The following ITPR3 variants were observed in gnomAD, a reference collection of about 807,000 sequenced individuals.
The protein encoded by ITPR3 is inositol 1,4,5-trisphosphate receptor type 3.
In ITPR3, 173 loss-of-function variants were observed where a neutral mutation model predicts 293.2. The observed-to-expected ratio is 0.59, with a 90% CI of 0.52 to 0.67. The LOEUF (loss-of-function observed/expected upper bound fraction) is 0.67. ITPR3 is among the 30% of genes least tolerant of loss of function. The pLI, the probability that ITPR3 is intolerant of heterozygous loss-of-function variation, is 0.00. For missense variants in ITPR3, 2,796 were observed against 3,592.1 expected (o/e 0.78, Z 5.66); for synonymous variants, 1,295 against 1,444.4 (o/e 0.90, Z 2.35).
In ITPR3 at chr6:33,684,657, G is replaced by A. The variant is rs752802620; in HGVS notation, c.5106G>A (p.Ser1702=). Residue 1702 remains serine (S), a synonymous_variant, in exon 38 of 58, where the codon TCG becomes TCA. Coordinates refer to ENST00000605930, the MANE Select transcript of ITPR3 (RefSeq NM_002224.4). The surrounding 1 kb of genome is among the most constrained non-coding windows in gnomAD (Gnocchi z 4.2). Reference sequence around the variant, plus strand: ...ACCTCCAGAACCGGAAGTCCACCTCGCGGGGGGACCTTCCCGACCCCATAG... The same window carrying A: ...ACCTCCAGAACCGGAAGTCCACCTCACGGGGGGACCTTCCCGACCCCATAG... ...QNYLQNRKST[S]RGDLPDPIGT... is the part of the protein sequence containing the mutation. 40 of 1,613,950 alleles carry A rather than the reference G, an allele frequency of 2.5e-5. No homozygotes were observed. Among genetic ancestry groups the A allele is most frequent in the African/African-American group, 1.2e-4 (9 of 74,936 alleles).
Position 33,633,857 on chromosome 6 carries a change from C to T in ITPR3, c.90-6627C>T, listed in dbSNP as rs1293309690. ...GGGCGCGGGGCGGGGCCGGGCCGGG[C>T]CGGGGCGGGGCCAGGGAGGCCAGAC... On this transcript the variant is annotated intron_variant, in intron 1 of 57. Transcript: ENST00000605930. This position sits in a 1 kb window ranked among gnomAD's most constrained non-coding sequence, Gnocchi z 5.2. Among the ~76,000 whole-genome samples the T allele has an allele frequency of 2.2e-4, 33 of 146,818 alleles. No individual in the cohort carries two copies. The highest frequency in any genetic ancestry group is 7.9e-4 in the African/African-American group (32 of 40,700).
In ITPR3 at chr6:33,682,748, C is replaced by G; in HGVS notation, c.4597+104C>G. On this transcript the variant is annotated intron_variant, in intron 34 of 57. Transcript: ENST00000605930. The surrounding 1 kb of genome is among the most constrained non-coding windows in gnomAD (Gnocchi z 5.4). ...ACACTTTATCCCTAAGCTCGCCCAT[C>G]TCCTGCTCCCAGGTGGTTGTCAGTA... 2 of 1,401,750 alleles carry G rather than the reference C, an allele frequency of 1.4e-6. No homozygotes were observed. Among genetic ancestry groups the G allele is most frequent in the Non-Finnish European group, 1.9e-6 (2 of 1,063,290 alleles). The allele number at this position is 1,401,750 out of a possible 1,614,324, so 86.8% of individuals were successfully genotyped here.
chr6:33,640,954 G>C (rs1763937123), intron 2 of ITPR3, among the ~76,000 whole-genome samples: 1 of 152,220 alleles, frequency 6.6e-6, no homozygotes, highest in Non-Finnish European at 1.5e-5. Flanking sequence ...TTCCTCATCT[G>C]CATGGTAAGA....
At chr6:33,625,190 C>A (rs1763523415) in intron 1 of ITPR3, among the ~76,000 whole-genome samples, 1 of 151,518 alleles carries the variant, frequency 6.6e-6, no homozygotes, top group South Asian at 2.1e-4. Flanking sequence ...CTTGGGTACA[C>A]AGGGTGGACC....
At position 33,692,678 on chromosome 6, in the gene ITPR3, A is replaced by G. The variant is rs2127323502; in HGVS notation, c.7459-50A>G. On this transcript the variant is annotated intron_variant, in intron 54 of 57. Transcript: ENST00000605930. This position sits in a 1 kb window ranked among gnomAD's most constrained non-coding sequence, Gnocchi z 4.2. Reference sequence around the variant, plus strand: ...CCCAACCTGAGTCCTATCTTGCCCCAGTGAATGTGGGGACCACCGGGCCCA... The same window carrying G: ...CCCAACCTGAGTCCTATCTTGCCCCGGTGAATGTGGGGACCACCGGGCCCA... 2 of 1,588,204 alleles carry G rather than the reference A, an allele frequency of 1.3e-6. No individual in the cohort carries two copies. The highest frequency in any genetic ancestry group is 2.2e-5 in the South Asian group (2 of 89,098).
chr6:33,688,014 T>A, intron 46 of ITPR3, 43 bp from the exon 47 acceptor site: 1 of 1,497,850 alleles, frequency 6.7e-7, no homozygotes, highest in Non-Finnish European at 9.2e-7. Flanking sequence ...CCAGCCTGGA[T>A]GTGGAGGCTG....
chr6:33,668,290 CT>C (rs766996168), intron 16 of ITPR3, among the ~76,000 whole-genome samples: 5 of 152,190 alleles, frequency 3.3e-5, no homozygotes, highest in African/African-American at 2.4e-5. Flanking sequence ...CTTCCTCACC[CT>C]GTCCGTCTGA....
chr6:33,691,130 T>G lies in ITPR3; in HGVS notation c.7225+21T>G. 6.2e-7 allele frequency: 1 copy of G among 1,612,332 alleles called. No homozygotes were observed. ...CACAGGTCTTGGAGGCTTCCTCTCC[T>G]GGGCAGGTTGTGGGGAATGAGGTTG... is the stretch of plus-strand genomic sequence containing the variant. On this transcript the variant is annotated intron_variant, in intron 52 of 57. Transcript: ENST00000605930. The surrounding 1 kb of genome is among the most constrained non-coding windows in gnomAD (Gnocchi z 4.9).
At chr6:33,641,325 C>T (rs562917881) in intron 2 of ITPR3, among the ~76,000 whole-genome samples, 3 of 152,306 alleles carry the variant, frequency 2.0e-5, no homozygotes, top group Admixed American at 1.3e-4. Flanking sequence ...GGCAGCAACA[C>T]GCTGGGCCTG....
chr6:33,685,250 A>AGGCCCCTGCAGCCCCAGCGGCCC, intron 39 of ITPR3, 109 bp from the exon 40 acceptor site: 1 of 1,117,414 alleles, frequency 8.9e-7, no homozygotes, highest in Non-Finnish European at 1.3e-6. Context: ...GCCTGCAGCC[A>AGGCCCCTGCAGCCCCAGCGGCCC]GGCCCCTGCA....
intron 2 of ITPR3, among the ~76,000 whole-genome samples, chr6:33,643,836 A>G (rs376563396): frequency 8.5e-5 from 13 of 152,196 alleles, no homozygotes; most frequent in East Asian, 5.8e-4. Flanking sequence ...CTACCTGTCC[A>G]TGCTCCAAGC....
Position 33,666,559 on chromosome 6 carries a change from C to T in ITPR3, c.1552-570C>T, listed in dbSNP as rs1764613991. 6.6e-6 allele frequency among the ~76,000 whole-genome samples: 1 copy of T among 151,942 alleles called. No homozygotes were observed. The highest frequency in any genetic ancestry group is 1.5e-5 in the Non-Finnish European group (1 of 68,016). The stretch of plus-strand genomic sequence containing the variant: ...TAAGAAAATTACAACAATACCAAGT[C>T]CATATCACATTTCTCTAATGTTCCC... On this transcript the variant is annotated intron_variant, in intron 14 of 57. Transcript: ENST00000605930. The surrounding 1 kb of genome is among the most constrained non-coding windows in gnomAD (Gnocchi z 5.1).
chr6:33,678,388 G>A (rs1343030649), intron 28 of ITPR3, 33 bp from the exon 29 acceptor site: 1 of 1,608,920 alleles, frequency 6.2e-7, no homozygotes, highest in East Asian at 2.2e-5. Flanking sequence ...TCCTTGGTGG[G>A]CCCAGCACCC....
chr6:33,659,215 C>T, intron 6 of ITPR3, 96 bp downstream of exon 6: 1 of 1,169,174 alleles, frequency 8.6e-7, no homozygotes, highest in African/African-American at 1.5e-5. Flanking sequence ...CTGCCTCCAG[C>T]CCCATCTGAC....
rs2127262135 is a variant in ITPR3, at chr6:33,658,552, T to C, written c.370-118T>C. ...AGCCTGTATGTTTGTGACAGGTGTC[T>C]GACACTATGTGTGCAGCCAGAATGT... On this transcript the variant is annotated intron_variant, in intron 4 of 57. Coordinates refer to ENST00000605930, the MANE Select transcript of ITPR3 (RefSeq NM_002224.4). This position sits in a 1 kb window ranked among gnomAD's most constrained non-coding sequence, Gnocchi z 6.1. 2 of 1,222,612 alleles carry C rather than the reference T, an allele frequency of 1.6e-6. No individual in the cohort carries two copies. Among genetic ancestry groups the C allele is most frequent in the Non-Finnish European group, 2.3e-6 (2 of 862,260 alleles). The allele number at this position is 1,222,612 out of a possible 1,614,324, so 75.7% of individuals were successfully genotyped here.
At chr6:33,671,402 T>G in intron 21 of ITPR3, 96 bp downstream of exon 21, 1 of 831,038 alleles carries the variant, frequency 1.2e-6, no homozygotes, top group Non-Finnish European at 1.9e-6. Flanking sequence ...CAGCCCCGCA[T>G]TCCCCCCACC....
rs1305710323 is a variant in ITPR3, at chr6:33,640,664, G to A, written c.160+110G>A. 12 of 906,912 alleles carry A rather than the reference G, an allele frequency of 1.3e-5. No homozygotes were observed. The South Asian group carries it at 1.4e-4, about 10-fold the overall frequency. 56.2% of individuals were successfully genotyped at this position (906,912 alleles called of 1,614,324 possible). Reference sequence around the variant, plus strand: ...CCCCAGTGGCTGGATTAGATGTGGCGCTGCCCTGCAGACCTCACTCTGCTG... The same window carrying A: ...CCCCAGTGGCTGGATTAGATGTGGCACTGCCCTGCAGACCTCACTCTGCTG... On this transcript the variant is annotated intron_variant, in intron 2 of 57. Coordinates refer to ENST00000605930, the MANE Select transcript of ITPR3 (RefSeq NM_002224.4).
chr6:33,694,926 C>G lies in ITPR3; in HGVS notation c.7788C>G (p.Asn2596Lys), dbSNP rs1191170013. 1 of 1,614,104 alleles carries G rather than the reference C, an allele frequency of 6.2e-7. No individual in the cohort carries two copies. Among genetic ancestry groups the G allele is most frequent in the Non-Finnish European group, 8.5e-7 (1 of 1,180,022 alleles). ...AACCCACTGGTGATGTTTTTCAGAA[C>G]AAGAACCTGGACTGGTTCCCCCGGA... is the stretch of plus-strand genomic sequence containing the variant. ...PESYVAQMIK[N>K]KNLDWFPRMR... Residue 2596 changes from asparagine (N) to lysine (K), a missense_variant and splice_region_variant, in exon 57 of 58, where the codon AAC (asparagine) becomes AAG (lysine). Around this residue, in one of 8 missense-constraint regions of ITPR3, gnomAD observed 568 missense variants for 796.1 expected, o/e 0.71. Transcript: ENST00000605930.
At chr6:33,623,401 A>C (rs1190810066) in intron 1 of ITPR3, among the ~76,000 whole-genome samples, 1 of 138,306 alleles carries the variant, frequency 7.2e-6, no homozygotes, top group Non-Finnish European at 1.5e-5. Context: ...ATCTTGGCTT[A>C]CTGCAGCCTC....
Sources: gnomAD v4.1 joint callset for allele counts (sites outside exome capture counted in the v4.1 genomes callset) on GRCh38, gnomAD v4.1.1 for gene constraint, gnomAD v4.1.1 regional missense constraint, Gnocchi (gnomAD v3.1) non-coding constraint, MANE v1.5 for transcripts, NCBI Gene and HGNC (gene_info 2026-07-23, HGNC 2026-07-21) for gene names.